SPMIP11: variants seen among roughly 807,000 people sequenced by gnomAD.
The protein encoded by SPMIP11 is sperm microtubule inner protein 11, also known as long intergenic non-protein coding RNA 935.
At chr12:48,728,892 A>G in the SPMIP11 span, among the ~76,000 whole-genome samples, 1 of 152,188 alleles carries the variant, frequency 6.6e-6, no homozygotes, top group Admixed American at 6.5e-5. Flanking sequence ...GCTGTTAGCC[A>G]TGCTAAGCAT....
the SPMIP11 span, among the ~76,000 whole-genome samples, chr12:48,747,451 C>T: frequency 2.0e-5 from 3 of 152,302 alleles, no homozygotes; most frequent in East Asian, 5.8e-4. Flanking sequence ...CAGGTTACCT[C>T]CACCTCCCAC....
chr12:48,750,018 A>C, the SPMIP11 span, among the ~76,000 whole-genome samples: 13 of 150,658 alleles, frequency 8.6e-5, no homozygotes, highest in Admixed American at 8.6e-4. Flanking sequence ...TTCTCTCTTG[A>C]GCCCACACCA....
chr12:48,749,633 G>C, the SPMIP11 span, among the ~76,000 whole-genome samples: 1 of 41,440 alleles, frequency 2.4e-5, no homozygotes, highest in African/African-American at 8.5e-5. Flanking sequence ...GAAACTCGGT[G>C]TCAAAAAAAA....
At chr12:48,754,194 A>G in the SPMIP11 span, among the ~76,000 whole-genome samples, 2 of 152,090 alleles carry the variant, frequency 1.3e-5, no homozygotes, top group African/African-American at 2.4e-5. Context: ...TGAGCCCAGG[A>G]GTTCTAGACT....
the SPMIP11 span, among the ~76,000 whole-genome samples, chr12:48,739,034 A>G: frequency 6.8e-6 from 1 of 147,698 alleles, no homozygotes; most frequent in Non-Finnish European, 1.5e-5. Context: ...TTCCTTTGTT[A>G]TATTTTCTGT....
chr12:48,763,759 A>C, the SPMIP11 span, among the ~76,000 whole-genome samples: 1 of 150,946 alleles, frequency 6.6e-6, no homozygotes, highest in Non-Finnish European at 1.5e-5. Context: ...GCTCACTGCA[A>C]CCTCCATCTC....
chr12:48,750,146 G>A, the SPMIP11 span, among the ~76,000 whole-genome samples: 1 of 151,964 alleles, frequency 6.6e-6, no homozygotes, highest in South Asian at 2.1e-4. Flanking sequence ...GAGTTTAGGA[G>A]TTTTAGACCA....
the SPMIP11 span, among the ~76,000 whole-genome samples, chr12:48,745,953 G>A: frequency 6.6e-6 from 1 of 152,124 alleles, no homozygotes; most frequent in East Asian, 1.9e-4. Flanking sequence ...TATATAAAAA[G>A]CTTCTAAGTA....
At chr12:48,766,080 C>T in the SPMIP11 span, 1 of 160,504 alleles carries the variant, frequency 6.2e-6, no homozygotes, top group African/African-American at 2.4e-5. Context: ...ACAGGAAGTC[C>T]TCTGACCACA....
chr12:48,742,442 C>T, the SPMIP11 span, among the ~76,000 whole-genome samples: 46 of 151,770 alleles, frequency 3.0e-4, no homozygotes, highest in Admixed American at 2.6e-3. Context: ...CCACCACACC[C>T]GGCTAATTTT....
the SPMIP11 span, among the ~76,000 whole-genome samples, chr12:48,762,185 A>T: frequency 6.8e-6 from 1 of 146,758 alleles, no homozygotes; most frequent in South Asian, 2.1e-4. Flanking sequence ...CAGCCTCCCG[A>T]GTAGCTGGGA....
chr12:48,732,053 G>T, the SPMIP11 span, among the ~76,000 whole-genome samples: 6 of 151,470 alleles, frequency 4.0e-5, no homozygotes, highest in Admixed American at 3.3e-4. Context: ...GGAGGCTGAG[G>T]CACGAGAATC....
chr12:48,760,010 T>G, the SPMIP11 span, among the ~76,000 whole-genome samples: 1 of 152,082 alleles, frequency 6.6e-6, no homozygotes, highest in Admixed American at 6.6e-5. Flanking sequence ...TTGTCCAGGT[T>G]GGTCTCAAAC....
the SPMIP11 span, among the ~76,000 whole-genome samples, chr12:48,755,237 A>T: frequency 2.0e-5 from 3 of 152,296 alleles, no homozygotes; most frequent in South Asian, 6.2e-4. Flanking sequence ...AAAGCATTAA[A>T]GGTGGTTTTA....
At chr12:48,745,002 G>C in the SPMIP11 span, among the ~76,000 whole-genome samples, 1 of 152,162 alleles carries the variant, frequency 6.6e-6, no homozygotes, top group Non-Finnish European at 1.5e-5. Context: ...CGGGCGTGGT[G>C]GCTCACGCCT....
the SPMIP11 span, among the ~76,000 whole-genome samples, chr12:48,752,973 T>C: frequency 6.6e-6 from 1 of 151,824 alleles, no homozygotes; most frequent in Non-Finnish European, 1.5e-5. Flanking sequence ...TGCCAGGCCA[T>C]CCTATTTATT....
At chr12:48,764,878 T>C in the SPMIP11 span, 1 of 702,938 alleles carries the variant, frequency 1.4e-6, no homozygotes, top group Non-Finnish European at 2.6e-6. Flanking sequence ...AGAATCCCCT[T>C]GACTGATGCT....
chr12:48,770,966 A>G, the SPMIP11 span: 1 of 1,613,956 alleles, frequency 6.2e-7, no homozygotes, highest in Non-Finnish European at 8.5e-7. Context: ...CTCCTCGCTG[A>G]TAATCTGAAC....
chr12:48,770,667 G>A, the SPMIP11 span: 2 of 1,236,106 alleles, frequency 1.6e-6, no homozygotes, highest in Middle Eastern at 2.8e-4. Context: ...CCCCACAGGA[G>A]CCCTGATGGG....
Sources: gnomAD v4.1 joint callset for allele counts (sites outside exome capture counted in the v4.1 genomes callset) on GRCh38, gnomAD v4.1.1 for gene constraint, MANE v1.5 for transcripts, NCBI Gene and HGNC (gene_info 2026-07-23, HGNC 2026-07-21) for gene names.